ATOSA: variants seen among roughly 807,000 people sequenced by gnomAD.
ATOSA encodes atos homolog protein A.
At chr15:52,666,569 T>A in the ATOSA span, among the ~76,000 whole-genome samples, 1 of 152,198 alleles carries the variant, frequency 6.6e-6, no homozygotes, top group Non-Finnish European at 1.5e-5. Flanking sequence ...GAGAATTAGA[T>A]CTTAGGGTTA....
the ATOSA span, among the ~76,000 whole-genome samples, chr15:52,655,725 A>G: frequency 0.99 from 150,891 of 152,264 alleles, 74,774 homozygotes; most frequent in Middle Eastern, 1. Context: ...ATGTTCAGAT[A>G]TGGTAGTGTA....
the ATOSA span, among the ~76,000 whole-genome samples, chr15:52,613,011 A>C: frequency 6.6e-6 from 1 of 152,218 alleles, no homozygotes; most frequent in African/African-American, 2.4e-5. Flanking sequence ...GAAAATAATC[A>C]TAACAACATC....
At chr15:52,694,127 TGTGTGTGTGC>T in the ATOSA span, among the ~76,000 whole-genome samples, 2 of 150,772 alleles carry the variant, frequency 1.3e-5, no homozygotes, top group African/African-American at 4.9e-5. Context: ...GCTGAGTATG[TGTGTGTGTGC>T]GTGTGTGTGT....
chr15:52,613,317 G>T, the ATOSA span, among the ~76,000 whole-genome samples: 4 of 152,256 alleles, frequency 2.6e-5, no homozygotes, highest in Non-Finnish European at 5.9e-5. Context: ...AGTGAGCCAA[G>T]ATCGCGCCAC....
At chr15:52,587,192 T>C in the ATOSA span, 2 of 1,613,514 alleles carry the variant, frequency 1.2e-6, no homozygotes, top group South Asian at 2.2e-5. Flanking sequence ...TAACCCCTTT[T>C]ACCAAGGGAC....
chr15:52,667,762 A>C, the ATOSA span, among the ~76,000 whole-genome samples: 1 of 152,246 alleles, frequency 6.6e-6, no homozygotes, highest in Non-Finnish European at 1.5e-5. Flanking sequence ...CTGAAGTGTC[A>C]AGACATCTGC....
the ATOSA span, among the ~76,000 whole-genome samples, chr15:52,666,376 C>T: frequency 9.3e-4 from 142 of 152,260 alleles, no homozygotes; most frequent in African/African-American, 3.2e-3. Flanking sequence ...CTGTATGTTT[C>T]CAGAACCTCG....
chr15:52,685,812 A>G, the ATOSA span, among the ~76,000 whole-genome samples: 1 of 152,080 alleles, frequency 6.6e-6, no homozygotes, highest in Admixed American at 6.6e-5. Flanking sequence ...TGGGCAAATT[A>G]TCCTTCTGCC....
chr15:52,663,864 A>C, the ATOSA span, among the ~76,000 whole-genome samples: 1 of 152,104 alleles, frequency 6.6e-6, no homozygotes, highest in African/African-American at 2.4e-5. Flanking sequence ...GGGCTCAAGC[A>C]ATCTTCCCAC....
At chr15:52,648,389 C>A in the ATOSA span, among the ~76,000 whole-genome samples, 2 of 152,060 alleles carry the variant, frequency 1.3e-5, no homozygotes, top group African/African-American at 4.8e-5. Context: ...GATATTTTAA[C>A]ACATGTATAT....
the ATOSA span, among the ~76,000 whole-genome samples, chr15:52,628,188 C>T: frequency 6.6e-6 from 1 of 152,148 alleles, no homozygotes; most frequent in South Asian, 2.1e-4. Context: ...GGCCCACACA[C>T]ACTCTTAAGA....
At chr15:52,657,548 T>A in the ATOSA span, 1 of 152,214 alleles carries the variant, frequency 6.6e-6, no homozygotes, top group Non-Finnish European at 1.5e-5. Context: ...ATCAGTGGCA[T>A]CCTCCCAATT....
the ATOSA span, among the ~76,000 whole-genome samples, chr15:52,693,376 C>T: frequency 1.2e-4 from 18 of 152,264 alleles, no homozygotes; most frequent in South Asian, 2.1e-3. Flanking sequence ...GCCAAGATCA[C>T]GCTCCTTCAC....
the ATOSA span, among the ~76,000 whole-genome samples, chr15:52,643,684 G>A: frequency 6.6e-6 from 1 of 151,850 alleles, no homozygotes; most frequent in Non-Finnish European, 1.5e-5. Flanking sequence ...GAGAGGCCGA[G>A]GCAGGCGGAT....
chr15:52,657,273 G>A, the ATOSA span: 1 of 152,080 alleles, frequency 6.6e-6, no homozygotes, highest in Non-Finnish European at 1.5e-5. Flanking sequence ...TTAAATTCTG[G>A]AGAATGTTAA....
the ATOSA span, among the ~76,000 whole-genome samples, chr15:52,673,642 A>G: frequency 6.6e-6 from 1 of 152,240 alleles, no homozygotes; most frequent in Admixed American, 6.5e-5. Flanking sequence ...CTGGGAATTT[A>G]GCAAAAGGCC....
the ATOSA span, among the ~76,000 whole-genome samples, chr15:52,616,754 T>C: frequency 6.6e-6 from 1 of 152,130 alleles, no homozygotes; most frequent in East Asian, 1.9e-4. Flanking sequence ...CCAGGAGCTA[T>C]GCAATGACCA....
the ATOSA span, among the ~76,000 whole-genome samples, chr15:52,608,196 G>GCT: frequency 1.3e-5 from 2 of 152,294 alleles, no homozygotes; most frequent in South Asian, 2.1e-4. Context: ...TGGCCTGGGT[G>GCT]CTTCTGACTA....
chr15:52,667,762 A>G, the ATOSA span, among the ~76,000 whole-genome samples: 1 of 152,246 alleles, frequency 6.6e-6, no homozygotes, highest in Admixed American at 6.5e-5. Context: ...CTGAAGTGTC[A>G]AGACATCTGC....
Sources: allele counts gnomAD v4.1 joint callset (sites outside exome capture counted in the v4.1 genomes callset), GRCh38; gene constraint gnomAD v4.1.1; transcripts MANE v1.5; gene names NCBI Gene and HGNC (gene_info 2026-07-23, HGNC 2026-07-21).